Variants in STEAP3 observed in about 807,000 individuals in gnomAD.
STEAP3 encodes STEAP3 metalloreductase, also known as metalloreductase STEAP3.
A neutral mutation model predicts 34.9 loss-of-function variants in STEAP3; 35 were observed. That is an observed-to-expected ratio of 1.00 (90% CI 0.76 to 1.33). The LOEUF (loss-of-function observed/expected upper bound fraction) is 1.33, where lower values mean the gene tolerates loss of function less well. Among genes scored for constraint, STEAP3 ranks in the 40% most tolerant of loss-of-function variants. The pLI is 0.00. For missense variants in STEAP3, 652 were observed against 667.6 expected (o/e 0.98, Z 0.26); for synonymous variants, 281 against 301.6 (o/e 0.93, Z 0.71).
intron 5 of STEAP3, among the ~76,000 whole-genome samples, chr2:119,256,277 G>A (rs183191077): frequency 2.6e-5 from 4 of 152,282 alleles, no homozygotes; most frequent in Admixed American, 2.6e-4. Context: ...AATCTCCCTG[G>A]CTCTGCTCAT....
chr2:119,245,411 G>A lies in STEAP3; in HGVS notation c.23-78G>A, dbSNP rs1368915786. ...GAATGTCTGACTGCCGTGTAGTTAC[G>A]ATGTATAAGAGGAGGGAGGTGGCAG... On this transcript the variant is annotated intron_variant, in intron 2 of 5. Transcript: ENST00000393110. 65 of 1,511,696 alleles carry A rather than the reference G, an allele frequency of 4.3e-5. 1 individual carries two copies. In the South Asian group the frequency reaches 4.9e-4, roughly 11 times the overall value. 93.6% of individuals were successfully genotyped at this position (1,511,696 alleles called of 1,614,324 possible). A position where few individuals can be genotyped will look rare whatever the true frequency, so the allele number is the denominator to read the frequency against.
chr2:119,257,861 G>C (rs370164656), intron 5 of STEAP3: 38 of 444,374 alleles, frequency 8.6e-5, no homozygotes, highest in Non-Finnish European at 1.1e-4. Context: ...TACCGGAAAA[G>C]GGTCCCGATC....
At chr2:119,237,640 C>T (rs754168223) in intron 2 of STEAP3, among the ~76,000 whole-genome samples, 15 of 152,320 alleles carry the variant, frequency 9.8e-5, no homozygotes, top group South Asian at 2.1e-4. Flanking sequence ...TCATGGAGCG[C>T]GCTTAAGCTG....
chr2:119,224,980 G>A (rs1558738890), intron 1 of STEAP3, among the ~76,000 whole-genome samples: 5 of 152,184 alleles, frequency 3.3e-5, no homozygotes, highest in Non-Finnish European at 5.9e-5. Flanking sequence ...AGAGTTATCT[G>A]ACTTGGAGCC....
chr2:119,252,409 G>A (rs897484657), intron 4 of STEAP3, among the ~76,000 whole-genome samples: 1 of 152,150 alleles, frequency 6.6e-6, no homozygotes, highest in African/African-American at 2.4e-5. Context: ...AGTCTGGCAG[G>A]CAGTGAGTTG....
chr2:119,263,545 T>C lies in STEAP3; in HGVS notation c.*207T>C. The C allele has an allele frequency of 1.4e-6, 1 of 703,374 alleles. No homozygotes were observed. The highest frequency in any genetic ancestry group is 2.7e-5 in the Admixed American group (1 of 37,018). The allele number at this position is 703,374 out of a possible 1,614,324, so 43.6% of individuals were successfully genotyped here. On this transcript the variant is annotated 3_prime_UTR_variant, in exon 6 of 6. Coordinates refer to ENST00000393110, the MANE Select transcript of STEAP3 (RefSeq NM_182915.3). ...TATGTATTTACATATATTCCACATA[T>C]ATAACAGGATTTGCAATTATACATA...
chr2:119,231,661 C>T (rs904720245), intron 2 of STEAP3, among the ~76,000 whole-genome samples: 5 of 152,002 alleles, frequency 3.3e-5, no homozygotes, highest in Admixed American at 1.3e-4. Flanking sequence ...GGGATTGGCT[C>T]GAGTGTGCTT....
chr2:119,258,472 C>A (rs79641858), intron 5 of STEAP3, among the ~76,000 whole-genome samples: 1 of 151,874 alleles, frequency 6.6e-6, no homozygotes, highest in Non-Finnish European at 1.5e-5. Context: ...TCAGACACTT[C>A]GTTTAGCTAA....
intron 5 of STEAP3, among the ~76,000 whole-genome samples, chr2:119,259,437 C>G (rs1411009777): frequency 6.6e-6 from 1 of 152,228 alleles, no homozygotes. Flanking sequence ...ACAGGAAAGT[C>G]AAAGGCCCTT....
intron 2 of STEAP3, among the ~76,000 whole-genome samples, chr2:119,235,100 T>C (rs193018090): frequency 3.9e-5 from 6 of 152,224 alleles, no homozygotes; most frequent in Admixed American, 3.9e-4. Flanking sequence ...ATCCCCAAGA[T>C]CTTCATGGTC....
intron 3 of STEAP3, 171 bp downstream of exon 3, chr2:119,246,159 C>T: frequency 1.1e-6 from 1 of 928,568 alleles, no homozygotes; most frequent in Non-Finnish European, 1.6e-6. Flanking sequence ...AATGATCTTA[C>T]TGAAAATTCC....
chr2:119,251,010 A>T (rs999609150), intron 4 of STEAP3, among the ~76,000 whole-genome samples: 2 of 152,168 alleles, frequency 1.3e-5, no homozygotes, highest in Admixed American at 6.5e-5. Context: ...GGAGGGAGGC[A>T]GGGGCTTGAC....
At chr2:119,243,922 G>C (rs1472433995) in intron 2 of STEAP3, among the ~76,000 whole-genome samples, 1 of 152,200 alleles carries the variant, frequency 6.6e-6, no homozygotes, top group East Asian at 1.9e-4. Context: ...GGAAGAGGCA[G>C]ACGCCCATGG....
At chr2:119,250,008 T>A (rs1677575277) in intron 4 of STEAP3, among the ~76,000 whole-genome samples, 1 of 152,180 alleles carries the variant, frequency 6.6e-6, no homozygotes. Context: ...TGCTATTATA[T>A]CCTTATTTCA....
At chr2:119,259,748 G>A (rs989037070) in intron 5 of STEAP3, among the ~76,000 whole-genome samples, 1 of 152,202 alleles carries the variant, frequency 6.6e-6, no homozygotes, top group African/African-American at 2.4e-5. Context: ...GACCTCACTG[G>A]GGCTACTAAG....
chr2:119,241,360 C>T (rs59012942), intron 2 of STEAP3, among the ~76,000 whole-genome samples: 55 of 152,260 alleles, frequency 3.6e-4, no homozygotes, highest in African/African-American at 1.3e-3. Context: ...CAAGTGGCTC[C>T]GTCCCTACAT....
intron 2 of STEAP3, among the ~76,000 whole-genome samples, chr2:119,232,444 T>C (rs1328931221): frequency 1.3e-5 from 2 of 152,214 alleles, no homozygotes; most frequent in Admixed American, 6.5e-5. Context: ...ATTTGACTCC[T>C]GGTTATTGCA....
intron 2 of STEAP3, among the ~76,000 whole-genome samples, chr2:119,233,435 G>T (rs1677002906): frequency 6.6e-6 from 1 of 152,204 alleles, no homozygotes; most frequent in Non-Finnish European, 1.5e-5. Context: ...CCAAGCTGCA[G>T]AAGGGATTAG....
At position 119,263,952 on chromosome 2, in the gene STEAP3, G is replaced by A. The variant is rs1284745458; in HGVS notation, c.*614G>A. 4.2e-5 allele frequency: 7 copies of A among 165,726 alleles called. No individual in the cohort carries two copies. Among genetic ancestry groups the A allele is most frequent in the Admixed American group, 3.4e-4 (6 of 17,658 alleles). The allele number at this position is 165,726 out of a possible 1,614,324, so 10.3% of individuals were successfully genotyped here. A position where few individuals can be genotyped will look rare whatever the true frequency, so the allele number is the denominator to read the frequency against. ...GAGTCTGTGCCTGGTCCTTTGCCCG[G>A]TGGTGGGAGGATGGAGGGATTGGGC... On this transcript the variant is annotated 3_prime_UTR_variant, in exon 6 of 6. Transcript: ENST00000393110.
Sources: gnomAD v4.1 joint callset for allele counts (sites outside exome capture counted in the v4.1 genomes callset) on GRCh38, gnomAD v4.1.1 for gene constraint, MANE v1.5 for transcripts, NCBI Gene and HGNC (gene_info 2026-07-23, HGNC 2026-07-21) for gene names.